Variants in RYR3 observed in about 807,000 individuals in gnomAD.
RYR3 encodes brain ryanodine receptor-calcium release channel.
Under a neutral mutation model 584.3 loss-of-function variants are expected in RYR3, and 207 were observed. The ratio of observed to expected loss-of-function variants is 0.35; its 90% CI spans 0.32 to 0.40. The LOEUF (loss-of-function observed/expected upper bound fraction) is 0.40, where lower values mean the gene tolerates loss of function less well. Among genes scored for constraint, RYR3 ranks in the 10% least tolerant of loss-of-function variants. The pLI is 1.00. For missense variants in RYR3, 5,616 were observed against 6,089.2 expected, an observed-to-expected ratio of 0.92 and a Z score of 2.59; for synonymous variants, 2,416 against 2,248.5, an observed-to-expected ratio of 1.07 and a Z score of -2.11.
chr15:33,805,687 C>G (rs567087594), intron 69 of RYR3, among the ~76,000 whole-genome samples: 1 of 151,820 alleles, frequency 6.6e-6, no homozygotes, highest in South Asian at 2.1e-4. Flanking sequence ...CTGTGTTAGC[C>G]AGGATGGTCT....
chr15:33,331,782 TTAAAA>T (rs1232143387), intron 1 of RYR3, among the ~76,000 whole-genome samples: 1 of 151,912 alleles, frequency 6.6e-6, no homozygotes, highest in Non-Finnish European at 1.5e-5. Flanking sequence ...CAAAATTAAA[TTAAAA>T]TAAAGTGATA....
Position 33,816,936 on chromosome 15 carries a change from A to G in RYR3, c.10577A>G (p.Glu3526Gly). Residue 3526 changes from glutamate to glycine, a missense_variant, in exon 75 of 104, where the codon GAG (glutamate) becomes GGG (glycine). Glu to Gly is a moderately conservative substitution (Grantham distance 98). Transcript: ENST00000634891. ...WIETEEYSFE[E>G]KLVQDLAKSP... is the part of the protein sequence containing the mutation. ...GAAACAGAGGAGTATTCCTTTGAAG[A>G]GAAACTAGTACAGGATTTGGCTGTA... 6.2e-7 allele frequency: 1 copy of G among 1,608,944 alleles called. No homozygotes were observed. Among genetic ancestry groups the G allele is most frequent in the Non-Finnish European group, 8.5e-7 (1 of 1,176,594 alleles).
chr15:33,653,683 AT>A (rs2062637625), intron 32 of RYR3, among the ~76,000 whole-genome samples: 1 of 149,272 alleles, frequency 6.7e-6, no homozygotes. Context: ...AAAAAAAAAA[AT>A]ACATTTATAT....
At chr15:33,425,857 T>C (rs969583622) in intron 1 of RYR3, among the ~76,000 whole-genome samples, 1 of 152,096 alleles carries the variant, frequency 6.6e-6, no homozygotes, top group Non-Finnish European at 1.5e-5. Context: ...TTAGCCAGGA[T>C]GGTCTCAATC....
chr15:33,481,890 CTAT>C (rs2050005896), intron 2 of RYR3, among the ~76,000 whole-genome samples: 2 of 149,372 alleles, frequency 1.3e-5, no homozygotes, highest in African/African-American at 4.9e-5. Context: ...ATCTTTTGTG[CTAT>C]TATTGTCAGA....
rs527849871 is a variant in RYR3 at position 33,668,155 on chromosome 15, A to C, written c.5620-1199A>C. Among the ~76,000 whole-genome samples, 181 of 151,338 alleles carry C rather than the reference A, an allele frequency of 1.2e-3. 1 individual carries two copies. The highest frequency in any genetic ancestry group is 3.2e-3 in the Admixed American group (48 of 15,158). On this transcript the variant is annotated intron_variant, in intron 36 of 103. Coordinates refer to ENST00000634891, the MANE Select transcript of RYR3 (RefSeq NM_001036.6). ...CTACTAAAAATACTGAAAATACAAA[A>C]AAAAAAAAGAAATCAGCCGGGCGTG...
intron 57 of RYR3, among the ~76,000 whole-genome samples, chr15:33,751,910 G>C (rs1329569189): frequency 6.6e-6 from 1 of 152,128 alleles, no homozygotes; most frequent in African/African-American, 2.4e-5. Context: ...TTTTGTATAA[G>C]GTGTAGAGAA....
chr15:33,786,018 G>T, intron 66 of RYR3, 36 bp downstream of exon 66: 1 of 1,455,998 alleles, frequency 6.9e-7, no homozygotes, highest in Non-Finnish European at 9.2e-7. Flanking sequence ...CCAGCCCAGG[G>T]GCCAAGATAA....
chr15:33,739,728 A>G, intron 50 of RYR3, 104 bp from the exon 51 acceptor site: 1 of 912,372 alleles, frequency 1.1e-6, no homozygotes, highest in Non-Finnish European at 1.6e-6. Context: ...TAACCTGGAT[A>G]AATGCGCGTA....
chr15:33,398,083 G>T (rs1433080744), intron 1 of RYR3, among the ~76,000 whole-genome samples: 1 of 152,134 alleles, frequency 6.6e-6, no homozygotes, highest in Non-Finnish European at 1.5e-5. Flanking sequence ...CAGTCCCAGC[G>T]AGATAAAATA....
intron 28 of RYR3, among the ~76,000 whole-genome samples, chr15:33,645,167 C>T (rs547189325): frequency 2.8e-4 from 43 of 152,282 alleles, no homozygotes; most frequent in African/African-American, 6.3e-4. Flanking sequence ...TTTAAGCTGA[C>T]GTCTGATCAT....
rs1480856279 is a variant in RYR3 at position 33,728,838 on chromosome 15, T to C, written c.7034-19T>C. On this transcript the variant is annotated intron_variant, in intron 46 of 103. Coordinates refer to ENST00000634891, the MANE Select transcript of RYR3 (RefSeq NM_001036.6). ...TGGAGACAGGAAAAGGGAAATTACATTTTCTATGTGTCTTTCAGATGGGTC... is the reference window on the plus strand; with the variant it reads ...TGGAGACAGGAAAAGGGAAATTACACTTTCTATGTGTCTTTCAGATGGGTC... The C allele has an allele frequency of 1.9e-6, 3 of 1,602,660 alleles. No individual in the cohort carries two copies. The highest frequency in any genetic ancestry group is 2.6e-6 in the Non-Finnish European group (3 of 1,175,054).
chr15:33,808,437 G>A (rs1392439333), intron 70 of RYR3, among the ~76,000 whole-genome samples: 1 of 152,190 alleles, frequency 6.6e-6, no homozygotes, highest in African/African-American at 2.4e-5. Flanking sequence ...ATCAAATAGA[G>A]AGTGAGCAGG....
intron 10 of RYR3, among the ~76,000 whole-genome samples, chr15:33,554,195 C>T (rs2056898077): frequency 6.6e-6 from 1 of 151,728 alleles, no homozygotes; most frequent in East Asian, 1.9e-4. Flanking sequence ...CCCAGAACGT[C>T]TTGTAGTAAG....
intron 32 of RYR3, among the ~76,000 whole-genome samples, chr15:33,656,000 A>AT (rs1438381774): frequency 6.6e-6 from 1 of 152,152 alleles, no homozygotes; most frequent in East Asian, 1.9e-4. Context: ...ATTTGAACAC[A>AT]TTTTTCTGTC....
At chr15:33,484,758 G>T (rs534624301) in intron 2 of RYR3, among the ~76,000 whole-genome samples, 2 of 152,130 alleles carry the variant, frequency 1.3e-5, no homozygotes, top group East Asian at 3.9e-4. Flanking sequence ...ATTGGAGGAG[G>T]GATAAAGGAA....
intron 38 of RYR3, among the ~76,000 whole-genome samples, chr15:33,693,244 T>A (rs1232932198): frequency 6.6e-6 from 1 of 152,268 alleles, no homozygotes; most frequent in Non-Finnish European, 1.5e-5. Context: ...GCCTCTGTGA[T>A]GCTGCATGCC....
At chr15:33,706,569 T>C (rs1170105865) in intron 42 of RYR3, among the ~76,000 whole-genome samples, 2 of 152,222 alleles carry the variant, frequency 1.3e-5, no homozygotes, top group Admixed American at 1.3e-4. Context: ...CAAGATTCTG[T>C]TCCTGTTTAA....
chr15:33,493,906 G>T (rs893284523), intron 2 of RYR3, among the ~76,000 whole-genome samples: 4 of 152,072 alleles, frequency 2.6e-5, no homozygotes, highest in African/African-American at 7.3e-5. Context: ...AACAGAGAGA[G>T]ACCTTGTCTC....
Sources: allele counts gnomAD v4.1 joint callset (sites outside exome capture counted in the v4.1 genomes callset), GRCh38; gene constraint gnomAD v4.1.1; transcripts MANE v1.5; gene names NCBI Gene and HGNC (gene_info 2026-07-23, HGNC 2026-07-21).